The following MAN1A2 variants were observed in gnomAD, a reference collection of about 807,000 sequenced individuals.
MAN1A2 encodes the protein mannosidase alpha class 1A member 2.
In MAN1A2, 26 loss-of-function variants were observed where a neutral mutation model predicts 75.7. The ratio of observed to expected loss-of-function variants is 0.34; its 90% confidence interval spans 0.25 to 0.48. The LOEUF is 0.48. MAN1A2 is among the 20% of genes least tolerant of loss of function. The pLI is 0.99. For missense variants in MAN1A2, 562 were observed against 775.5 expected (o/e 0.72, Z 3.27); for synonymous variants, 247 against 264.6 (o/e 0.93, Z 0.65).
At chr1:117,436,185 T>C (rs1648843614) in intron 5 of MAN1A2, among the ~76,000 whole-genome samples, 1 of 152,158 alleles carries the variant, frequency 6.6e-6, no homozygotes, top group African/African-American at 2.4e-5. Context: ...ACTAGGTAAA[T>C]GCTAGATTAA....
Position 117,442,287 on chromosome 1 carries a change from A to G in MAN1A2, c.912A>G (p.Thr304=), listed in dbSNP as rs182989005. The G allele has an allele frequency of 6.2e-7, 1 of 1,612,176 alleles. No individual in the cohort carries two copies. The highest frequency in any genetic ancestry group is 1.1e-5 in the South Asian group (1 of 91,046). The change falls in exon 6 of 13, where the codon ACA becomes ACG. Residue 304 remains threonine, a synonymous_variant. Coordinates refer to ENST00000356554, the MANE Select transcript of MAN1A2 (RefSeq NM_006699.5). Reference sequence around the variant, plus strand: ...AGAAACTCCTTCCTGCCTTTAACACACCTACTGGGATTCCTTGGGCAATGG... The same window carrying G: ...AGAAACTCCTTCCTGCCTTTAACACGCCTACTGGGATTCCTTGGGCAATGG... ...LAEKLLPAFN[T]PTGIPWAMVN... is the part of the protein sequence containing the mutation.
intron 8 of MAN1A2, among the ~76,000 whole-genome samples, chr1:117,477,153 C>G (rs1215841752): frequency 5.9e-5 from 9 of 151,808 alleles, no homozygotes; most frequent in Admixed American, 5.9e-4. Flanking sequence ...GTCTATGAAC[C>G]AAAAGAAGCC....
intron 11 of MAN1A2, among the ~76,000 whole-genome samples, chr1:117,501,645 T>C (rs910180208): frequency 1.3e-5 from 2 of 151,874 alleles, no homozygotes; most frequent in Admixed American, 1.3e-4. Flanking sequence ...AAAACTCTTG[T>C]ATCCAAAATT....
Position 117,527,147 on chromosome 1 carries a change from G to T in MAN1A2, c.*4190G>T, listed in dbSNP as rs1652053428. 1 of 151,770 alleles carries T rather than the reference G, an allele frequency of 6.6e-6. No homozygotes were observed. Among genetic ancestry groups the T allele is most frequent in the Middle Eastern group, 3.4e-3 (1 of 296 alleles). The allele number at this position is 151,770 out of a possible 1,614,324, so 9.4% of individuals were successfully genotyped here. ...TGTTACTTTAGCTCATTCAGATCAGGATGGACATGCTCTTTTTGATCTATA... is the reference window on the plus strand; with the variant it reads ...TGTTACTTTAGCTCATTCAGATCAGTATGGACATGCTCTTTTTGATCTATA... On this transcript the variant is annotated 3_prime_UTR_variant, in exon 13 of 13. Transcript: ENST00000356554.
intron 3 of MAN1A2, among the ~76,000 whole-genome samples, chr1:117,406,017 G>A (rs1369580465): frequency 6.6e-6 from 1 of 152,008 alleles, no homozygotes; most frequent in Non-Finnish European, 1.5e-5. Context: ...GGAAATTCTT[G>A]TAGTTCTGTG....
At chr1:117,424,372 G>A (rs987606593) in intron 5 of MAN1A2, among the ~76,000 whole-genome samples, 4 of 152,130 alleles carry the variant, frequency 2.6e-5, no homozygotes, top group Admixed American at 6.5e-5. Context: ...TCTCTTCCAC[G>A]ATCATGGCAT....
chr1:117,395,532 T>G (rs1653876510), intron 1 of MAN1A2, among the ~76,000 whole-genome samples: 1 of 152,230 alleles, frequency 6.6e-6, no homozygotes, highest in Non-Finnish European at 1.5e-5. Flanking sequence ...TGTTGTCATT[T>G]GCCCTTGCTC....
rs1557985716 is a variant in MAN1A2, at chr1:117,526,901, TATATATATGAGAG to T, written c.*3951_*3963del. ...CTCTCTATATATATATATATATATATATATATATGAGAGATATATGAGATATATGAGAGATCAA... is the reference window on the plus strand; with the variant it reads ...CTCTCTATATATATATATATATATATATATATGAGATATATGAGAGATCAA... On this transcript the variant is annotated 3_prime_UTR_variant, in exon 13 of 13. Transcript: ENST00000356554. The T allele has an allele frequency of 6.9e-6, 1 of 144,072 alleles. No individual in the cohort carries two copies. The highest frequency in any genetic ancestry group is 2.0e-4 in the East Asian group (1 of 5,096). 8.9% of individuals were successfully genotyped at this position (144,072 alleles called of 1,614,324 possible). A position where few individuals can be genotyped will look rare whatever the true frequency, so the allele number is the denominator to read the frequency against.
intron 1 of MAN1A2, among the ~76,000 whole-genome samples, chr1:117,390,517 G>A (rs974302147): frequency 7.9e-5 from 12 of 151,412 alleles, no homozygotes; most frequent in East Asian, 5.8e-4. Flanking sequence ...TTCCCTTCTC[G>A]TCATTATTAG....
chr1:117,429,845 C>G (rs1247572203), intron 5 of MAN1A2, among the ~76,000 whole-genome samples: 1 of 71,446 alleles, frequency 1.4e-5, no homozygotes, highest in African/African-American at 5.2e-5. Flanking sequence ...GGGCGGCTGG[C>G]CGGGCGGGGG....
chr1:117,450,490 A>G (rs1649374262), intron 6 of MAN1A2, among the ~76,000 whole-genome samples: 1 of 152,206 alleles, frequency 6.6e-6, no homozygotes, highest in South Asian at 2.1e-4. Flanking sequence ...CTGCTGCAGA[A>G]ATTTGCATAA....
chr1:117,441,986 A>G (rs1311541163), intron 5 of MAN1A2, among the ~76,000 whole-genome samples: 4 of 152,086 alleles, frequency 2.6e-5, no homozygotes, highest in Admixed American at 2.6e-4. Flanking sequence ...CAACACCAAA[A>G]CTATGTCCTT....
Position 117,451,335 on chromosome 1 carries a change from A to G in MAN1A2, c.950+9010A>G, listed in dbSNP as rs148717697. Among the ~76,000 whole-genome samples the G allele has an allele frequency of 4.4e-4, 67 of 152,376 alleles. 1 individual carries two copies. The highest frequency in any genetic ancestry group is 1.5e-3 in the Admixed American group (23 of 15,304). On this transcript the variant is annotated intron_variant, in intron 6 of 12. Transcript: ENST00000356554. Reference sequence around the variant, plus strand: ...TAATGCCTGTACACCCATTGTATCTATAAAGTAACTAACTTGATTTTGACT... The same window carrying G: ...TAATGCCTGTACACCCATTGTATCTGTAAAGTAACTAACTTGATTTTGACT...
intron 4 of MAN1A2, among the ~76,000 whole-genome samples, chr1:117,416,662 A>G (rs370473775): frequency 2.0e-5 from 3 of 152,140 alleles, no homozygotes; most frequent in Admixed American, 6.5e-5. Flanking sequence ...GAGCATTGTG[A>G]TATCACCAGA....
At chr1:117,446,888 T>C (rs1259456858) in intron 6 of MAN1A2, among the ~76,000 whole-genome samples, 1 of 152,146 alleles carries the variant, frequency 6.6e-6, no homozygotes, top group Non-Finnish European at 1.5e-5. Flanking sequence ...CCAAGTATGA[T>C]TGTGGAATTG....
At chr1:117,447,505 A>C (rs1649273985) in intron 6 of MAN1A2, among the ~76,000 whole-genome samples, 1 of 152,104 alleles carries the variant, frequency 6.6e-6, no homozygotes, top group South Asian at 2.1e-4. Flanking sequence ...CAAAGAATTA[A>C]ATACATTTTT....
At chr1:117,461,405 A>G (rs947782222) in intron 7 of MAN1A2, among the ~76,000 whole-genome samples, 5 of 152,162 alleles carry the variant, frequency 3.3e-5, no homozygotes, top group Non-Finnish European at 7.4e-5. Context: ...TTGGAAGGGT[A>G]GTGAGGAGAG....
intron 6 of MAN1A2, among the ~76,000 whole-genome samples, chr1:117,445,589 C>T (rs1649195250): frequency 6.6e-6 from 1 of 151,714 alleles, no homozygotes; most frequent in African/African-American, 2.4e-5. Flanking sequence ...TACAATGGCA[C>T]AATCACAGCT....
chr1:117,489,554 T>C (rs983045273), intron 8 of MAN1A2, among the ~76,000 whole-genome samples: 1 of 152,096 alleles, frequency 6.6e-6, no homozygotes, highest in South Asian at 2.1e-4. Context: ...GAGTAATCCT[T>C]TTCTTGTTAC....
Sources: allele counts gnomAD v4.1 joint callset (sites outside exome capture counted in the v4.1 genomes callset), GRCh38; gene constraint gnomAD v4.1.1; transcripts MANE v1.5; gene names NCBI Gene and HGNC (gene_info 2026-07-23, HGNC 2026-07-21).